RBFOX1: variants seen among roughly 807,000 people sequenced by gnomAD.
The protein encoded by RBFOX1 is RNA binding protein fox-1 homolog 1.
A neutral mutation model predicts 57.7 loss-of-function variants in RBFOX1; 8 were observed. The ratio of observed to expected loss-of-function variants is 0.14; its 90% confidence interval spans 0.08 to 0.25. The LOEUF (loss-of-function observed/expected upper bound fraction) is 0.25. RBFOX1 is among the 10% of genes least tolerant of loss of function. The pLI, the probability that RBFOX1 is intolerant of heterozygous loss-of-function variation, is 1.00. For missense variants in RBFOX1, 611 were observed against 548.5 expected (o/e 1.11, Z -1.14); for synonymous variants, 326 against 222.4 (o/e 1.47, Z -4.15).
At chr16:7,550,918 AC>A (rs1170715556) in intron 5 of RBFOX1, among the ~76,000 whole-genome samples, 2 of 151,632 alleles carry the variant, frequency 1.3e-5, no homozygotes, top group East Asian at 1.9e-4. Flanking sequence ...ACATGGTGAA[AC>A]CCCAGTTCTA....
At chr16:5,695,293 C>G (rs1312556458) in intron 3 of RBFOX1, among the ~76,000 whole-genome samples, 1 of 152,094 alleles carries the variant, frequency 6.6e-6, no homozygotes, top group Admixed American at 6.6e-5. Context: ...CATCATCCAA[C>G]TCAATAATCA....
At chr16:6,399,791 A>T (rs2092994886) in intron 2 of RBFOX1, among the ~76,000 whole-genome samples, 1 of 152,220 alleles carries the variant, frequency 6.6e-6, no homozygotes, top group Non-Finnish European at 1.5e-5. Flanking sequence ...GGTTTAATTG[A>T]ATCACAGTTC....
chr16:6,075,032 A>G (rs917103099), intron 1 of RBFOX1, among the ~76,000 whole-genome samples: 1 of 152,208 alleles, frequency 6.6e-6, no homozygotes, highest in Non-Finnish European at 1.5e-5. Flanking sequence ...CTGGAACACG[A>G]ACCTCCAGAA....
At position 7,277,594 on chromosome 16, in the gene RBFOX1, G is replaced by A. The variant is rs888351833; in HGVS notation, c.27+225496G>A. 2.6e-5 allele frequency among the ~76,000 whole-genome samples: 4 copies of A among 152,036 alleles called. No homozygotes were observed. In the South Asian group the frequency reaches 8.3e-4, roughly 32 times the overall value. ...TAATCTAGATCTTCATAAAATACAG[G>A]TATTTAAGTCTGAAAGCTCATTATT... is the stretch of plus-strand genomic sequence containing the variant. On this transcript the variant is annotated intron_variant, in intron 4 of 15. Coordinates refer to ENST00000550418, the MANE Select transcript of RBFOX1 (RefSeq NM_018723.4).
chr16:5,640,272 A>T (rs2048814887), intron 3 of RBFOX1, among the ~76,000 whole-genome samples: 2 of 152,174 alleles, frequency 1.3e-5, no homozygotes, highest in African/African-American at 4.8e-5. Context: ...CACTTTAGCC[A>T]TCGGTCTGAA....
intron 1 of RBFOX1, among the ~76,000 whole-genome samples, chr16:5,389,259 CAAA>C (rs1195696575): frequency 2.0e-5 from 3 of 152,174 alleles, no homozygotes; most frequent in Admixed American, 6.5e-5. Context: ...ATGAAGGACA[CAAA>C]GAAGAAAGTG....
chr16:5,515,236 C>T (rs560078722), intron 2 of RBFOX1, among the ~76,000 whole-genome samples: 102 of 152,350 alleles, frequency 6.7e-4, no homozygotes, highest in Admixed American at 6.5e-4. Flanking sequence ...CCTGTGCCTA[C>T]TGTCAGCTCC....
At chr16:5,740,920 C>A (rs2052748811) in intron 3 of RBFOX1, among the ~76,000 whole-genome samples, 1 of 152,140 alleles carries the variant, frequency 6.6e-6, no homozygotes, top group South Asian at 2.1e-4. Context: ...GTGTACTACC[C>A]TGGAGTGAGG....
chr16:5,614,666 C>T (rs1290387362), intron 3 of RBFOX1, among the ~76,000 whole-genome samples: 1 of 152,082 alleles, frequency 6.6e-6, no homozygotes, highest in East Asian at 1.9e-4. Context: ...TTCCAGTTGT[C>T]AACATTCCAC....
At chr16:5,798,244 CATT>C (rs1256773777) in intron 3 of RBFOX1, among the ~76,000 whole-genome samples, 1 of 152,170 alleles carries the variant, frequency 6.6e-6, no homozygotes, top group African/African-American at 2.4e-5. Context: ...GTATTATTGT[CATT>C]AGTAATATTC....
intron 1 of RBFOX1, among the ~76,000 whole-genome samples, chr16:6,268,477 G>A (rs1009577048): frequency 2.0e-5 from 3 of 152,106 alleles, no homozygotes; most frequent in Admixed American, 6.5e-5. Flanking sequence ...GCAGAGGTAC[G>A]CAATCCAGCA....
intron 2 of RBFOX1, among the ~76,000 whole-genome samples, chr16:5,490,880 G>T (rs1567156638): frequency 6.6e-6 from 1 of 152,068 alleles, no homozygotes; most frequent in African/African-American, 2.4e-5. Context: ...ACAAGGATAC[G>T]TCCTGGGAGG....
At chr16:5,465,040 G>A (rs765694316) in intron 1 of RBFOX1, among the ~76,000 whole-genome samples, 1 of 152,214 alleles carries the variant, frequency 6.6e-6, no homozygotes, top group African/African-American at 2.4e-5. Flanking sequence ...GCACCTTTCA[G>A]AGGGGAGAGA....
At chr16:5,491,474 A>G (rs530446333) in intron 2 of RBFOX1, among the ~76,000 whole-genome samples, 84 of 152,372 alleles carry the variant, frequency 5.5e-4, no homozygotes, top group African/African-American at 1.9e-3. Flanking sequence ...CTAGAATTTT[A>G]TAGGAGCACT....
intron 1 of RBFOX1, among the ~76,000 whole-genome samples, chr16:6,156,233 G>T (rs544014280): frequency 6.6e-6 from 1 of 152,286 alleles, no homozygotes; most frequent in South Asian, 2.1e-4. Flanking sequence ...GCAGGAATGT[G>T]CAGACACTGT....
chr16:7,317,452 A>G (rs34265202), intron 4 of RBFOX1, among the ~76,000 whole-genome samples: 9,154 of 152,124 alleles, frequency 0.06, 353 homozygotes, highest in South Asian at 0.11. Context: ...ACTGTCACCA[A>G]TCCAGTGCTA....
At chr16:6,620,774 C>T (rs190045294) in intron 2 of RBFOX1, among the ~76,000 whole-genome samples, 272 of 152,240 alleles carry the variant, frequency 1.8e-3, no homozygotes, top group African/African-American at 5.6e-3. Flanking sequence ...AATTCCTGGA[C>T]GCATAGATCC....
intron 4 of RBFOX1, among the ~76,000 whole-genome samples, chr16:7,334,700 A>G (rs961150885): frequency 7.2e-5 from 11 of 152,206 alleles, no homozygotes; most frequent in Admixed American, 4.6e-4. Flanking sequence ...TGTTGCTGTC[A>G]TTACGAAATG....
intron 4 of RBFOX1, among the ~76,000 whole-genome samples, chr16:7,279,796 C>T (rs948598365): frequency 6.6e-6 from 1 of 152,148 alleles, no homozygotes; most frequent in African/African-American, 2.4e-5. Flanking sequence ...TATGTGAAAT[C>T]CCACAAGGAA....
Sources: gnomAD v4.1 joint callset for allele counts (sites outside exome capture counted in the v4.1 genomes callset) on GRCh38, gnomAD v4.1.1 for gene constraint, MANE v1.5 for transcripts, NCBI Gene and HGNC (gene_info 2026-07-23, HGNC 2026-07-21) for gene names.